EVC: variants seen among roughly 807,000 people sequenced by gnomAD.
EVC encodes EvC ciliary complex subunit 1.
In EVC, 116 loss-of-function variants were observed where a neutral mutation model predicts 118.9. The ratio of observed to expected loss-of-function variants is 0.98; its 90% CI spans 0.84 to 1.14. The LOEUF (loss-of-function observed/expected upper bound fraction) is 1.14. Among genes scored for constraint, EVC ranks in the 50% most tolerant of loss-of-function variants. EVC has a pLI of 0.00. For missense variants in EVC, 1,401 were observed against 1,246.4 expected, an observed-to-expected ratio of 1.12 and a Z score of -1.87; for synonymous variants, 619 against 534.7, an observed-to-expected ratio of 1.16 and a Z score of -2.18.
At position 5,770,354 on chromosome 4, in the gene EVC, C is replaced by T. The variant is rs73075590; in HGVS notation, c.1564-13198C>T. Among the ~76,000 whole-genome samples, 160 of 152,254 alleles carry T rather than the reference C, an allele frequency of 1.1e-3. 3 individuals carry two copies. The highest frequency in any genetic ancestry group is 3.6e-3 in the African/African-American group (148 of 41,540). ...CAGTGTTAGCATAGACTATCAAGGC[C>T]GCCAGGTCAGCAAAGACACTCCAGT... On this transcript the variant is annotated intron_variant, in intron 11 of 20. Transcript: ENST00000264956.
At chr4:5,828,227 C>G in the EVC span, 1 of 985,404 alleles carries the variant, frequency 1.0e-6, no homozygotes, top group Non-Finnish European at 1.2e-6. Context: ...GTAAGCGTCC[C>G]TCCCATGATC....
intron 1 of EVC, among the ~76,000 whole-genome samples, chr4:5,716,530 A>G (rs1027901862): frequency 6.6e-6 from 1 of 152,148 alleles, no homozygotes; most frequent in Non-Finnish European, 1.5e-5. Flanking sequence ...ATCTCAGATA[A>G]GGGGCAGCTG....
At chr4:5,776,477 C>T (rs915581996) in intron 11 of EVC, among the ~76,000 whole-genome samples, 6 of 152,216 alleles carry the variant, frequency 3.9e-5, no homozygotes, top group African/African-American at 1.2e-4. Context: ...TGTGTGTAAA[C>T]TTGTGCAACT....
At position 5,776,539 on chromosome 4, in the gene EVC, T is replaced by C. The variant is rs75499295; in HGVS notation, c.1564-7013T>C. On this transcript the variant is annotated intron_variant, in intron 11 of 20. Coordinates refer to ENST00000264956, the MANE Select transcript of EVC (RefSeq NM_153717.3). ...GAGGAAGCCTCAGTTTCCTCATCTG[T>C]AAATTTCTTCCATCAGTTTGGGAAA... Among the ~76,000 whole-genome samples, 181 of 152,330 alleles carry C rather than the reference T, an allele frequency of 1.2e-3. 1 individual carries two copies. The highest frequency in any genetic ancestry group is 3.6e-3 in the African/African-American group (149 of 41,552).
intron 11 of EVC, among the ~76,000 whole-genome samples, chr4:5,762,724 C>T (rs1407767358): frequency 1.5e-5 from 2 of 130,194 alleles, no homozygotes; most frequent in African/African-American, 5.9e-5. Flanking sequence ...CTGTTCATGT[C>T]CTTTGCCCAC....
At chr4:5,717,496 T>C (rs1349772625) in intron 1 of EVC, among the ~76,000 whole-genome samples, 1 of 152,204 alleles carries the variant, frequency 6.6e-6, no homozygotes, top group Non-Finnish European at 1.5e-5. Context: ...ATATATATTT[T>C]TTCCTCAATG....
At chr4:5,740,806 T>A (rs1018196519) in intron 5 of EVC, among the ~76,000 whole-genome samples, 1 of 152,198 alleles carries the variant, frequency 6.6e-6, no homozygotes, top group South Asian at 2.1e-4. Flanking sequence ...CCAAAAAGGA[T>A]ATATAGATGG....
rs546972981 is a variant in EVC, at chr4:5,731,151, G to A, written c.385-274G>A. On this transcript the variant is annotated intron_variant, in intron 3 of 20. Coordinates refer to ENST00000264956, the MANE Select transcript of EVC (RefSeq NM_153717.3). The surrounding 1 kb of genome is among the most constrained non-coding windows in gnomAD (Gnocchi z 5.6). ...TGGGAGGAGGGTGCGCTGGGTGTCCGGGGCACAGATCCAGGTTGGCAGTTT... is the reference window on the plus strand; with the variant it reads ...TGGGAGGAGGGTGCGCTGGGTGTCCAGGGCACAGATCCAGGTTGGCAGTTT... Among the ~76,000 whole-genome samples the A allele has an allele frequency of 4.0e-4, 61 of 152,112 alleles. 1 individual carries two copies. The highest frequency in any genetic ancestry group is 1.3e-3 in the African/African-American group (52 of 41,488).
chr4:5,796,327 G>A (rs1157222288), intron 13 of EVC, among the ~76,000 whole-genome samples: 1 of 151,936 alleles, frequency 6.6e-6, no homozygotes, highest in Non-Finnish European at 1.5e-5. Flanking sequence ...ATTCTCGTCT[G>A]GGTATTTTTA....
intron 13 of EVC, among the ~76,000 whole-genome samples, chr4:5,795,061 G>A (rs991266358): frequency 6.6e-6 from 1 of 152,146 alleles, no homozygotes; most frequent in African/African-American, 2.4e-5. Flanking sequence ...CAAATAACAT[G>A]ATTTCATTAT....
chr4:5,783,511 C>G, intron 11 of EVC, 41 bp from the exon 12 acceptor site: 1 of 1,598,950 alleles, frequency 6.3e-7, no homozygotes, highest in Non-Finnish European at 8.6e-7. Context: ...ACACAGGGTC[C>G]TGCCGTGACC....
At chr4:5,783,026 T>G (rs1735853449) in intron 11 of EVC, among the ~76,000 whole-genome samples, 1 of 151,994 alleles carries the variant, frequency 6.6e-6, no homozygotes, top group South Asian at 2.1e-4. Flanking sequence ...GGTGTGAAGC[T>G]TGGCTGAGTG....
intron 17 of EVC, among the ~76,000 whole-genome samples, chr4:5,806,227 G>A (rs537238528): frequency 1.7e-4 from 26 of 151,722 alleles, no homozygotes; most frequent in East Asian, 7.8e-4. Context: ...TTACAGGCGC[G>A]CACCACCATG....
rs939559669 is a variant in EVC, at chr4:5,738,980, C to G, written c.703-2736C>G. Among the ~76,000 whole-genome samples, 5 of 152,126 alleles carry G rather than the reference C, an allele frequency of 3.3e-5. No homozygotes were observed. Among genetic ancestry groups the G allele is most frequent in the African/African-American group, 1.2e-4 (5 of 41,402 alleles). ...TTTTTAGACATACTGCTATTGTACA[C>G]TTAGACTACAGTATAGTGTAAACAT... is the stretch of plus-strand genomic sequence containing the variant. On this transcript the variant is annotated intron_variant, in intron 5 of 20. Transcript: ENST00000264956. This position sits in a 1 kb window ranked among gnomAD's most constrained non-coding sequence, Gnocchi z 6.5.
At chr4:5,810,037 T>C (rs934244795) in intron 19 of EVC, among the ~76,000 whole-genome samples, 22 of 152,224 alleles carry the variant, frequency 1.4e-4, no homozygotes, top group Admixed American at 1.2e-3. Context: ...TTCAGTTGCT[T>C]GCTGCTTCAT....
intron 11 of EVC, among the ~76,000 whole-genome samples, chr4:5,773,024 C>G (rs1036644139): frequency 6.6e-6 from 1 of 152,182 alleles, no homozygotes; most frequent in Non-Finnish European, 1.5e-5. Flanking sequence ...TGTGCACTGT[C>G]CCCTGTTGGG....
intron 12 of EVC, among the ~76,000 whole-genome samples, chr4:5,788,667 C>T (rs1380356856): frequency 1.3e-5 from 2 of 152,156 alleles, no homozygotes; most frequent in Non-Finnish European, 2.9e-5. Context: ...ATTGATTTTG[C>T]CTTCCGTCTA....
At chr4:5,723,004 A>G (rs1365198695) in intron 2 of EVC, among the ~76,000 whole-genome samples, 1 of 152,084 alleles carries the variant, frequency 6.6e-6, no homozygotes. Flanking sequence ...TGCATCCTTC[A>G]TCCCCTGGCA....
At chr4:5,804,101 C>G (rs1466748038) in intron 16 of EVC, among the ~76,000 whole-genome samples, 1 of 152,126 alleles carries the variant, frequency 6.6e-6, no homozygotes. Flanking sequence ...CTGCGCCTGG[C>G]TCATTTTTGT....
Sources: gnomAD v4.1 joint callset for allele counts (sites outside exome capture counted in the v4.1 genomes callset) on GRCh38, gnomAD v4.1.1 for gene constraint, Gnocchi (gnomAD v3.1) non-coding constraint, MANE v1.5 for transcripts, NCBI Gene and HGNC (gene_info 2026-07-23, HGNC 2026-07-21) for gene names.